Variants in STPG2 observed in about 807,000 individuals in gnomAD.
The protein encoded by STPG2 is sperm tail PG-rich repeat containing 2, also known as sperm-tail PG-rich repeat-containing protein 2.
A neutral mutation model predicts 54.2 loss-of-function variants in STPG2; 56 were observed. That is an observed-to-expected ratio of 1.03 (90% CI 0.83 to 1.29). The LOEUF (loss-of-function observed/expected upper bound fraction) is 1.29, where lower values mean the gene tolerates loss of function less well. Ranked by LOEUF, STPG2 falls within the 50% of genes most tolerant of loss-of-function variation. The pLI, the probability that STPG2 is intolerant of heterozygous loss-of-function variation, is 0.00. For missense variants in STPG2, 596 were observed against 544.9 expected (o/e 1.09, Z -0.93); for synonymous variants, 200 against 181.8 (o/e 1.10, Z -0.81).
At chr4:97,785,720 G>A (rs1031259172) in intron 9 of STPG2, among the ~76,000 whole-genome samples, 16 of 152,092 alleles carry the variant, frequency 1.1e-4, no homozygotes, top group Non-Finnish European at 2.1e-4. Flanking sequence ...GTTCCCACCT[G>A]GCTCCAGACC....
intron 8 of STPG2, among the ~76,000 whole-genome samples, chr4:97,910,879 C>T (rs1731652636): frequency 6.6e-6 from 1 of 152,142 alleles, no homozygotes; most frequent in African/African-American, 2.4e-5. Flanking sequence ...CAATTAGAAG[C>T]AGCTGCGAAC....
At chr4:97,857,614 T>A (rs1025065369) in intron 8 of STPG2, among the ~76,000 whole-genome samples, 1 of 152,128 alleles carries the variant, frequency 6.6e-6, no homozygotes, top group Non-Finnish European at 1.5e-5. Context: ...CCTGGATTCA[T>A]TCATTTTTTT....
At chr4:98,084,309 A>T (rs1163694219) in intron 5 of STPG2, among the ~76,000 whole-genome samples, 10 of 152,186 alleles carry the variant, frequency 6.6e-5, no homozygotes, top group Non-Finnish European at 1.2e-4. Flanking sequence ...GCTAAATAGT[A>T]TTACATTGTA....
At position 97,612,261 on chromosome 4, in the gene STPG2, CAAAA is replaced by C. The variant is rs202198020; in HGVS notation, c.1321-53148_1321-53145del. ...ATGTGTAAAATGGCAAAAAAAAAAA[CAAAA>C]AAAAACACAACATGCACACAAAGGA... On this transcript the variant is annotated intron_variant, in intron 10 of 10. Transcript: ENST00000295268. 2.2e-5 allele frequency among the ~76,000 whole-genome samples: 3 copies of C among 133,994 alleles called. No individual in the cohort carries two copies. The Admixed American group carries it at 2.3e-4, about 10-fold the overall frequency. 87.9% of individuals were successfully genotyped at this position (133,994 alleles called of 152,430 possible).
intron 4 of STPG2, among the ~76,000 whole-genome samples, chr4:97,518,103 T>C (rs983746331): frequency 1.3e-5 from 2 of 152,130 alleles, no homozygotes; most frequent in African/African-American, 4.8e-5. Context: ...TAGAGCTGTG[T>C]CATTCACTGC....
At chr4:97,553,587 T>C (rs2148869101) in intron 4 of STPG2, among the ~76,000 whole-genome samples, 1 of 152,310 alleles carries the variant, frequency 6.6e-6, no homozygotes, top group Admixed American at 6.5e-5. Flanking sequence ...AAAAAAAGTA[T>C]TCTAGACATA....
chr4:98,042,176 AGT>A (rs1736981010), intron 5 of STPG2, among the ~76,000 whole-genome samples: 1 of 151,494 alleles, frequency 6.6e-6, no homozygotes, highest in Non-Finnish European at 1.5e-5. Context: ...ATCATTCATA[AGT>A]GTGTCTTTTT....
At chr4:97,792,655 C>T (rs1001568383) in intron 9 of STPG2, among the ~76,000 whole-genome samples, 10 of 151,404 alleles carry the variant, frequency 6.6e-5, no homozygotes, top group Admixed American at 6.7e-5. Flanking sequence ...TGAAGCAAGG[C>T]CTACCAAGTC....
At position 97,830,560 on chromosome 4, in the gene STPG2, A is replaced by G. The variant is rs567485964; in HGVS notation, c.1204+10213T>C. Reference sequence around the variant, plus strand: ...AAATTTAAACAGGCTAAATGCCCCAATTAAAAGACACAGACTGGAAAAATG... The same window carrying G: ...AAATTTAAACAGGCTAAATGCCCCAGTTAAAAGACACAGACTGGAAAAATG... On this transcript the variant is annotated intron_variant, in intron 9 of 10. Transcript: ENST00000295268. 2.0e-5 allele frequency among the ~76,000 whole-genome samples: 3 copies of G among 152,302 alleles called. No individual in the cohort carries two copies. In the South Asian group the frequency reaches 6.2e-4, roughly 32 times the overall value.
chr4:97,516,246 T>A (rs547842514), intron 4 of STPG2, among the ~76,000 whole-genome samples: 2 of 152,078 alleles, frequency 1.3e-5, no homozygotes, highest in African/African-American at 2.4e-5. Flanking sequence ...TTTGTAGTAA[T>A]TTTCATTTTA....
intron 7 of STPG2, among the ~76,000 whole-genome samples, chr4:97,951,048 C>T (rs1233476339): frequency 6.6e-6 from 1 of 152,136 alleles, no homozygotes; most frequent in Admixed American, 6.6e-5. Context: ...TCCAGATCAA[C>T]TAACTGGTTT....
rs1242814556 is a variant in STPG2 at position 97,711,669 on chromosome 4, CTTT to C, written c.1320+1027_1320+1029del. Among the ~76,000 whole-genome samples, 5 of 133,694 alleles carry C rather than the reference CTTT, an allele frequency of 3.7e-5. 1 individual carries two copies. The highest frequency in any genetic ancestry group is 8.3e-5 in the African/African-American group (3 of 36,130). 87.7% of individuals were successfully genotyped at this position (133,694 alleles called of 152,430 possible). A position where few individuals can be genotyped will look rare whatever the true frequency, so the allele number is the denominator to read the frequency against. ...GTGACATTTTATTTTTATTTACTTA[CTTT>C]TTTTTTTTTTTTTTTGAGAAGGAGT... On this transcript the variant is annotated intron_variant, in intron 10 of 10. Coordinates refer to ENST00000295268, the MANE Select transcript of STPG2 (RefSeq NM_174952.3).
chr4:97,754,988 G>T (rs985916926), intron 9 of STPG2, among the ~76,000 whole-genome samples: 1 of 152,126 alleles, frequency 6.6e-6, no homozygotes. Context: ...CCACTCTGGT[G>T]AATGGATGAC....
chr4:97,729,912 T>C (rs1451507232), intron 9 of STPG2, among the ~76,000 whole-genome samples: 1 of 152,246 alleles, frequency 6.6e-6, no homozygotes, highest in African/African-American at 2.4e-5. Context: ...GAAAAACTAC[T>C]GATTTTTGTA....
At chr4:97,909,293 AT>A (rs1260263918) in intron 8 of STPG2, among the ~76,000 whole-genome samples, 1 of 152,070 alleles carries the variant, frequency 6.6e-6, no homozygotes, top group Non-Finnish European at 1.5e-5. Flanking sequence ...GAAGAAAAAA[AT>A]GAAAAATAAT....
At chr4:97,979,222 C>A (rs1427447384) in intron 6 of STPG2, among the ~76,000 whole-genome samples, 1 of 151,560 alleles carries the variant, frequency 6.6e-6, no homozygotes, top group Admixed American at 6.6e-5. Context: ...GCTGAGAAAG[C>A]TACAGCGGCA....
downstream of STPG2, among the ~76,000 whole-genome samples, chr4:97,557,893 G>A (rs139174949): frequency 1.3e-5 from 2 of 152,306 alleles, no homozygotes; most frequent in Non-Finnish European, 2.9e-5. Context: ...CCTGAAGTAA[G>A]AGATATCAAC....
chr4:98,121,141 A>G (rs759422861), intron 3 of STPG2, among the ~76,000 whole-genome samples: 31 of 152,210 alleles, frequency 2.0e-4, no homozygotes, highest in Non-Finnish European at 3.5e-4. Context: ...TCCCAGCACA[A>G]TTTATTAAAT....
chr4:97,769,367 A>G (rs1305906369), intron 9 of STPG2, among the ~76,000 whole-genome samples: 1 of 152,134 alleles, frequency 6.6e-6, no homozygotes, highest in Admixed American at 6.6e-5. Context: ...ATTCCCAGAC[A>G]TGTGAGCAAG....
Sources: allele counts gnomAD v4.1 joint callset (sites outside exome capture counted in the v4.1 genomes callset), GRCh38; gene constraint gnomAD v4.1.1; transcripts MANE v1.5; gene names NCBI Gene and HGNC (gene_info 2026-07-23, HGNC 2026-07-21).